BTRC: variants seen among roughly 807,000 people sequenced by gnomAD.
The protein encoded by BTRC is F-box/WD repeat-containing protein 1A.
A neutral mutation model predicts 85.5 loss-of-function variants in BTRC; 42 were observed. The observed-to-expected ratio is 0.49, with a 90% CI of 0.38 to 0.64. BTRC has a LOEUF of 0.64. Among genes scored for constraint, BTRC ranks in the 30% least tolerant of loss-of-function variants. BTRC has a pLI of 0.00. For synonymous variants in BTRC, 255 were observed against 263.3 expected (o/e 0.97, Z 0.30); for missense variants, 594 against 743.5 (o/e 0.80, Z 2.34).
intron 4 of BTRC, among the ~76,000 whole-genome samples, chr10:101,503,613 C>T (rs896970484): frequency 1.3e-5 from 2 of 152,138 alleles, no homozygotes; most frequent in African/African-American, 4.8e-5. Flanking sequence ...CCAAGACTTC[C>T]AGAAATTACA....
chr10:101,477,442 T>C (rs1945719318), intron 3 of BTRC, among the ~76,000 whole-genome samples: 1 of 152,192 alleles, frequency 6.6e-6, no homozygotes, highest in Admixed American at 6.5e-5. Context: ...ATTAATAAGT[T>C]TGCTTTTCAT....
At chr10:101,402,192 G>T (rs1230575193) in intron 1 of BTRC, among the ~76,000 whole-genome samples, 3 of 152,136 alleles carry the variant, frequency 2.0e-5, no homozygotes, top group Admixed American at 2.0e-4. Context: ...AAATTCATAT[G>T]TGAGGAGGTT....
chr10:101,430,764 G>A (rs530186166), intron 2 of BTRC, among the ~76,000 whole-genome samples: 118 of 152,200 alleles, frequency 7.8e-4, no homozygotes, highest in Non-Finnish European at 1.4e-3. Flanking sequence ...AGTTCAATAC[G>A]TAATATTTGC....
chr10:101,441,188 A>G (rs913543552), intron 2 of BTRC, among the ~76,000 whole-genome samples: 1 of 152,246 alleles, frequency 6.6e-6, no homozygotes, highest in Non-Finnish European at 1.5e-5. Flanking sequence ...GAGGAATGCA[A>G]GTGTTTAAGA....
At chr10:101,551,119 T>C in intron 14 of BTRC, 1 of 399,186 alleles carries the variant, frequency 2.5e-6, no homozygotes, top group Non-Finnish European at 4.5e-6. Flanking sequence ...ACTTGTGTGG[T>C]AAGCCTAGTC....
At chr10:101,492,681 A>G (rs9420830) in intron 4 of BTRC, among the ~76,000 whole-genome samples, 56,272 of 151,996 alleles carry the variant, frequency 0.37, 11,597 homozygotes, top group Middle Eastern at 0.49. Flanking sequence ...TTTAGATAAT[A>G]AGGAGACAAG....
rs145842754 is a variant in BTRC, at chr10:101,371,699, A to C, written c.48+17471A>C. 9.7e-4 allele frequency among the ~76,000 whole-genome samples: 148 copies of C among 152,342 alleles called. 2 individuals are homozygous for C. In the East Asian group the frequency reaches 0.026, roughly 27 times the overall value. On this transcript the variant is annotated intron_variant, in intron 1 of 14. Coordinates refer to ENST00000370187, the MANE Select transcript of BTRC (RefSeq NM_033637.4). ...AGCTTGTACGTTTTGACCTTTGTGA[A>C]TAATGCTGCTATTTGTATATGTTAC...
chr10:101,385,404 C>G (rs1051624643), intron 1 of BTRC, among the ~76,000 whole-genome samples: 7 of 144,532 alleles, frequency 4.8e-5, no homozygotes, highest in Admixed American at 2.1e-4. Context: ...AAAAGTGAAA[C>G]TGACTTTTTT....
At chr10:101,522,710 C>T (rs2062136024) in intron 5 of BTRC, among the ~76,000 whole-genome samples, 1 of 151,906 alleles carries the variant, frequency 6.6e-6, no homozygotes, top group African/African-American at 2.4e-5. Context: ...TGTGAGCCAC[C>T]GTACCCAGCC....
At chr10:101,522,134 G>A (rs1412606106) in intron 5 of BTRC, among the ~76,000 whole-genome samples, 2 of 134,094 alleles carry the variant, frequency 1.5e-5, no homozygotes, top group South Asian at 2.5e-4. Context: ...TCCACCTCCC[G>A]GCTTAACGCC....
At chr10:101,404,033 T>A (rs1180380571) in intron 1 of BTRC, among the ~76,000 whole-genome samples, 3 of 99,038 alleles carry the variant, frequency 3.0e-5, no homozygotes, top group East Asian at 3.0e-4. Context: ...TATATATATT[T>A]TTTTTTTTTT....
In BTRC at chr10:101,481,186, C is replaced by T. The variant is rs541193146; in HGVS notation, c.324+1729C>T. Among the ~76,000 whole-genome samples, 5 of 152,328 alleles carry T rather than the reference C, an allele frequency of 3.3e-5. No individual in the cohort carries two copies. In the South Asian group the frequency reaches 1.0e-3, roughly 32 times the overall value. ...CTCGAACTCCTGGCCTCGAGTAATC[C>T]TCCCCACTAGGCCTGCCAAAGAGTT... On this transcript the variant is annotated intron_variant, in intron 4 of 14. Transcript: ENST00000370187.
intron 11 of BTRC, among the ~76,000 whole-genome samples, chr10:101,535,878 C>T (rs970507477): frequency 3.3e-5 from 5 of 152,110 alleles, no homozygotes; most frequent in African/African-American, 1.2e-4. Flanking sequence ...TTTCCCTTCA[C>T]AAAGATGAAT....
intron 13 of BTRC, among the ~76,000 whole-genome samples, chr10:101,543,804 C>T (rs942577475): frequency 6.6e-6 from 1 of 152,088 alleles, no homozygotes; most frequent in African/African-American, 2.4e-5. Flanking sequence ...TCATTTTTCA[C>T]CCCCATCCTT....
chr10:101,470,585 C>A (rs1346561164), intron 3 of BTRC, among the ~76,000 whole-genome samples: 2 of 152,146 alleles, frequency 1.3e-5, no homozygotes, highest in African/African-American at 2.4e-5. Flanking sequence ...CCGCCTCAGC[C>A]TCCCAAAGTG....
intron 4 of BTRC, among the ~76,000 whole-genome samples, chr10:101,496,428 A>G (rs1483509407): frequency 6.6e-6 from 1 of 152,050 alleles, no homozygotes; most frequent in Non-Finnish European, 1.5e-5. Flanking sequence ...TTAAGTTTTT[A>G]TTTTAGAGGC....
At chr10:101,474,005 A>T (rs1294820640) in intron 3 of BTRC, among the ~76,000 whole-genome samples, 1 of 151,690 alleles carries the variant, frequency 6.6e-6, no homozygotes, top group Admixed American at 6.6e-5. Flanking sequence ...ATTCATTGTG[A>T]TCATATCTTT....
At chr10:101,527,823 AG>A (rs2062220325) in intron 6 of BTRC, among the ~76,000 whole-genome samples, 1 of 137,800 alleles carries the variant, frequency 7.3e-6, no homozygotes, top group East Asian at 2.0e-4. Flanking sequence ...CACACACAAA[AG>A]AATATTATTA....
At chr10:101,387,528 C>CTTATTTTTTTTTTTTTTTTTTTTTTTT (rs1943110687) in intron 1 of BTRC, among the ~76,000 whole-genome samples, 1 of 45,122 alleles carries the variant, frequency 2.2e-5, no homozygotes. Flanking sequence ...CTTCATGGGA[C>CTTATTTTTTTTTTTTTTTTTTTTTTTT]TTTTTTTTTT....
Sources: allele counts gnomAD v4.1 joint callset (sites outside exome capture counted in the v4.1 genomes callset), GRCh38; gene constraint gnomAD v4.1.1; transcripts MANE v1.5; gene names NCBI Gene and HGNC (gene_info 2026-07-23, HGNC 2026-07-21).